The following ZNF609 variants were observed in gnomAD, a reference collection of about 807,000 sequenced individuals.
ZNF609 encodes the protein zinc finger protein 609.
In ZNF609, 11 loss-of-function variants were observed where a neutral mutation model predicts 109.5. The observed-to-expected ratio is 0.10, with a 90% CI of 0.06 to 0.17. The LOEUF is 0.17. Among genes scored for constraint, ZNF609 ranks in the 10% least tolerant of loss-of-function variants. The pLI, the probability that ZNF609 is intolerant of heterozygous loss-of-function variation, is 1.00. For synonymous variants in ZNF609, 646 were observed against 662.0 expected, an observed-to-expected ratio of 0.98 and a Z score of 0.37; for missense variants, 1,559 against 1,772.4, an observed-to-expected ratio of 0.88 and a Z score of 2.16.
intron 3 of ZNF609, among the ~76,000 whole-genome samples, chr15:64,659,417 C>A (rs191156623): frequency 3.9e-5 from 6 of 152,212 alleles, no homozygotes; most frequent in African/African-American, 1.4e-4. Flanking sequence ...GATGATAGAG[C>A]TACGTTAATA....
At chr15:64,622,036 A>G (rs538612075) in intron 2 of ZNF609, among the ~76,000 whole-genome samples, 2 of 151,884 alleles carry the variant, frequency 1.3e-5, no homozygotes, top group South Asian at 2.1e-4. Flanking sequence ...ATGTTTGACT[A>G]TTTCTATCTA....
At chr15:64,471,802 C>T (rs142680943) in intron 1 of ZNF609, among the ~76,000 whole-genome samples, 2 of 151,974 alleles carry the variant, frequency 1.3e-5, no homozygotes, top group African/African-American at 2.4e-5. Context: ...TGGCTGGTCT[C>T]GAACTCCCAA....
chr15:64,636,339 A>G (rs948542859), intron 3 of ZNF609, among the ~76,000 whole-genome samples: 6 of 152,146 alleles, frequency 3.9e-5, no homozygotes, highest in African/African-American at 1.4e-4. Flanking sequence ...CTATATGACA[A>G]AAAGGCTATG....
At chr15:64,676,303 C>G in intron 5 of ZNF609, 47 bp downstream of exon 5, 1 of 1,523,638 alleles carries the variant, frequency 6.6e-7, no homozygotes, top group Non-Finnish European at 8.8e-7. Flanking sequence ...TGGTAATCGT[C>G]TATCTTCCTC....
rs1566995459 is a variant in ZNF609 at position 64,485,277 on chromosome 15, TGAAAA to T, written c.-127-14012_-127-14008del. Among the ~76,000 whole-genome samples, 4 of 152,258 alleles carry T rather than the reference TGAAAA, an allele frequency of 2.6e-5. No individual in the cohort carries two copies. The East Asian group carries it at 7.7e-4, about 29-fold the overall frequency. On this transcript the variant is annotated intron_variant, in intron 1 of 9. Coordinates refer to ENST00000326648, the MANE Select transcript of ZNF609 (RefSeq NM_015042.2). ...ACAAAGGGAATATAATGTCAAGTGA[TGAAAA>T]GAACATATAGACTTGATCACCAGTT...
At chr15:64,667,547 T>TA (rs1014179181) in intron 3 of ZNF609, among the ~76,000 whole-genome samples, 21 of 150,920 alleles carry the variant, frequency 1.4e-4, no homozygotes, top group African/African-American at 4.6e-4. Flanking sequence ...TGTCTCTGCT[T>TA]AAAAAAAATA....
Position 64,676,071 on chromosome 15 carries a change from G to A in ZNF609, c.3217G>A (p.Asp1073Asn). 6.2e-7 allele frequency: 1 copy of A among 1,614,200 alleles called. No homozygotes were observed. The highest frequency in any genetic ancestry group is 8.5e-7 in the Non-Finnish European group (1 of 1,180,030). Residue 1073 changes from aspartate to asparagine, a missense_variant, in exon 5 of 10, where the codon GAC becomes AAC. Physicochemically the swap from Asp to Asn is conservative, Grantham distance 23. Around this residue, in one of 4 missense-constraint regions of ZNF609, gnomAD observed 1,204 missense variants for 1,314.1 expected, o/e 0.92. Transcript: ENST00000326648. ...GPGKAKEPGA[D>N]PAKSVIIPKL... is the part of the protein sequence containing the mutation. Reference sequence around the variant, plus strand: ...TGGCAAGGCCAAGGAGCCAGGGGCTGACCCAGCCAAATCAGTCATCATTCC... The same window carrying A: ...TGGCAAGGCCAAGGAGCCAGGGGCTAACCCAGCCAAATCAGTCATCATTCC...
At chr15:64,545,420 A>C (rs995527096) in intron 2 of ZNF609, among the ~76,000 whole-genome samples, 2 of 152,096 alleles carry the variant, frequency 1.3e-5, no homozygotes, top group African/African-American at 4.8e-5. Context: ...GCTGGACTTG[A>C]ACTCCTGAGC....
intron 2 of ZNF609, among the ~76,000 whole-genome samples, chr15:64,604,087 T>TA (rs1895555083): frequency 6.6e-6 from 1 of 151,994 alleles, no homozygotes; most frequent in African/African-American, 2.4e-5. Flanking sequence ...CTTTTATACT[T>TA]ACCTCTTTTG....
chr15:64,614,146 C>A (rs551019694), intron 2 of ZNF609, among the ~76,000 whole-genome samples: 1 of 151,900 alleles, frequency 6.6e-6, no homozygotes, highest in Non-Finnish European at 1.5e-5. Flanking sequence ...CTCTCGAACT[C>A]CTGGCCTCAA....
At chr15:64,651,451 C>T (rs765671772) in intron 3 of ZNF609, among the ~76,000 whole-genome samples, 4 of 152,170 alleles carry the variant, frequency 2.6e-5, no homozygotes, top group Non-Finnish European at 5.9e-5. Context: ...GAGCTCAGCT[C>T]ATTTTCACCT....
At position 64,675,705 on chromosome 15, in the gene ZNF609, C is replaced by T. The variant is rs1896799462; in HGVS notation, c.2851C>T (p.Leu951=). The T allele has an allele frequency of 6.2e-7, 1 of 1,614,030 alleles. No homozygotes were observed. Among genetic ancestry groups the T allele is most frequent in the East Asian group, 2.2e-5 (1 of 44,884 alleles). The change falls in exon 5 of 10, where the codon CTG becomes TTG. Residue 951 remains leucine, a synonymous_variant. Transcript: ENST00000326648. ...TATCTGTGAAGAAAAGAAGCCCGAG[C>T]TGAGCAGTTCCAGTCAGCAGCCCTC... is the stretch of plus-strand genomic sequence containing the variant. ...NDICEEKKPE[L]SSSSQQPSVI... is the part of the protein sequence containing the mutation.
At chr15:64,595,844 A>G (rs1895387614) in intron 2 of ZNF609, among the ~76,000 whole-genome samples, 1 of 152,178 alleles carries the variant, frequency 6.6e-6, no homozygotes, top group African/African-American at 2.4e-5. Context: ...AATGGAAATC[A>G]GTCCTGCTCT....
chr15:64,535,590 A>G (rs1453800861), intron 2 of ZNF609, among the ~76,000 whole-genome samples: 2 of 152,198 alleles, frequency 1.3e-5, no homozygotes, highest in Non-Finnish European at 2.9e-5. Flanking sequence ...GCACATTTAT[A>G]TACAGTTTTT....
At chr15:64,568,912 C>G (rs1047840358) in intron 2 of ZNF609, among the ~76,000 whole-genome samples, 1 of 152,180 alleles carries the variant, frequency 6.6e-6, no homozygotes, top group African/African-American at 2.4e-5. Flanking sequence ...TCCTAAACCT[C>G]TCTGGGGCTT....
rs1170907582 is a variant in ZNF609 at position 64,622,994 on chromosome 15, C to T, written c.915C>T (p.Pro305=). The T allele has an allele frequency of 1.2e-6, 2 of 1,614,258 alleles. No homozygotes were observed. The highest frequency in any genetic ancestry group is 1.7e-6 in the Non-Finnish European group (2 of 1,180,040). Residue 305 remains proline, a synonymous_variant, in exon 3 of 10, where the codon CCC becomes CCT. Transcript: ENST00000326648. ...CCACAGAGCCTGAGTGCTTGGGCCC[C>T]TGTGAACCTGGAACTAGCGTCAACC... ...ALATEPECLG[P]CEPGTSVNLE... is the part of the protein sequence containing the mutation.
intron 2 of ZNF609, chr15:64,528,747 G>T: frequency 1.0e-6 from 1 of 955,094 alleles, no homozygotes; most frequent in Non-Finnish European, 1.7e-6. Context: ...CAGGAAATTA[G>T]CTTGACAGAG....
chr15:64,487,393 AATATG>A (rs966736552), intron 1 of ZNF609, among the ~76,000 whole-genome samples: 3 of 152,200 alleles, frequency 2.0e-5, no homozygotes, highest in African/African-American at 7.2e-5. Flanking sequence ...TAAAAAGTAT[AATATG>A]TATGTAGTAA....
intron 3 of ZNF609, among the ~76,000 whole-genome samples, chr15:64,657,079 C>T (rs1321465563): frequency 2.0e-5 from 3 of 150,868 alleles, no homozygotes; most frequent in Non-Finnish European, 4.4e-5. Flanking sequence ...GCCAACATGG[C>T]GAAACCCGTC....
Sources: gnomAD v4.1 joint callset for allele counts (sites outside exome capture counted in the v4.1 genomes callset) on GRCh38, gnomAD v4.1.1 for gene constraint, gnomAD v4.1.1 regional missense constraint, MANE v1.5 for transcripts, NCBI Gene and HGNC (gene_info 2026-07-23, HGNC 2026-07-21) for gene names.